Variants in VCAM1 observed in about 807,000 individuals in gnomAD.
The protein encoded by VCAM1 is vascular cell adhesion protein 1.
Under a neutral mutation model 63.8 loss-of-function variants are expected in VCAM1, and 41 were observed. That is an observed-to-expected ratio of 0.64 (90% CI 0.50 to 0.83). VCAM1 has a LOEUF of 0.83. Ranked by LOEUF, VCAM1 falls within the 40% of genes least tolerant of loss-of-function variation. The probability of loss-of-function intolerance (pLI) is 0.00; values close to 1 mark genes in which losing one functional copy is unlikely to be tolerated. For missense variants in VCAM1, 798 were observed against 875.5 expected (o/e 0.91, Z 1.12); for synonymous variants, 338 against 320.7 (o/e 1.05, Z -0.58).
In VCAM1 at chr1:100,731,669, T is replaced by C. The variant is rs976703618; in HGVS notation, c.1525+151T>C. The stretch of plus-strand genomic sequence containing the variant: ...TCAAAATAATGATGATTGTAACAAA[T>C]CACCCTCCCTAAACTTAAAATAGTA... On this transcript the variant is annotated intron_variant, in intron 6 of 8. Transcript: ENST00000294728. This position sits in a 1 kb window ranked among gnomAD's most constrained non-coding sequence, Gnocchi z 4.2. 3.8e-6 allele frequency: 3 copies of C among 794,452 alleles called. No individual in the cohort carries two copies. The African/African-American group carries it at 5.2e-5, about 14-fold the overall frequency. 49.2% of individuals were successfully genotyped at this position (794,452 alleles called of 1,614,324 possible).
rs565914570 is a variant in VCAM1 at position 100,732,895 on chromosome 1, A to C, written c.1792+211A>C. On this transcript the variant is annotated intron_variant, in intron 7 of 8. Transcript: ENST00000294728. ...AAGTTTCTTATCCTGAGATTCTTTT[A>C]AACTCAAGTGAAATGCAAGCCTTCA... 2.0e-5 allele frequency among the ~76,000 whole-genome samples: 3 copies of C among 152,356 alleles called. No homozygotes were observed. In the East Asian group the frequency reaches 5.8e-4, roughly 29 times the overall value.
At chr1:100,738,000 A>C (rs1337112719) in intron 8 of VCAM1, 123 bp from the exon 9 acceptor site, 3 of 1,089,536 alleles carry the variant, frequency 2.8e-6, no homozygotes, top group African/African-American at 1.6e-5. Context: ...GGTCCTTATC[A>C]CTGCTTTGAT....
rs142501320 is a variant in VCAM1, at chr1:100,720,647, C to T, written c.236C>T (p.Thr79Met). The T allele has an allele frequency of 3.6e-5, 58 of 1,613,056 alleles. No homozygotes were observed. The highest frequency in any genetic ancestry group is 4.4e-5 in the Non-Finnish European group (52 of 1,179,520). ...GTGACGAATGAGGGGACCACATCTA[C>T]GCTGACAATGAATCCTGTTAGTTTT... Reference protein sequence around the residue: ...GKVTNEGTTSTLTMNPVSFGN... With the variant: ...GKVTNEGTTSMLTMNPVSFGN... Residue 79 changes from threonine (T) to methionine (M), a missense_variant, in exon 2 of 9, where the codon ACG (threonine) becomes ATG (methionine). Physicochemically the swap from Thr to Met is moderately conservative, Grantham distance 81. Coordinates refer to ENST00000294728, the MANE Select transcript of VCAM1 (RefSeq NM_001078.4).
At position 100,723,491 on chromosome 1, in the gene VCAM1, G is replaced by A. The variant is rs113856158; in HGVS notation, c.661+151G>A. 5.5e-5 allele frequency: 48 copies of A among 866,632 alleles called. 1 individual carries two copies. The highest frequency in any genetic ancestry group is 4.6e-4 in the African/African-American group (27 of 58,610). The allele number at this position is 866,632 out of a possible 1,614,324, so 53.7% of individuals were successfully genotyped here. A position where few individuals can be genotyped will look rare whatever the true frequency, so the allele number is the denominator to read the frequency against. ...ATTCACAACATAATGTTTGTCAATAGTATAATTCAGTGAAAAGAACACTGG... is the reference window on the plus strand; with the variant it reads ...ATTCACAACATAATGTTTGTCAATAATATAATTCAGTGAAAAGAACACTGG... On this transcript the variant is annotated intron_variant, in intron 3 of 8. Transcript: ENST00000294728.
intron 7 of VCAM1, among the ~76,000 whole-genome samples, chr1:100,732,942 G>A (rs1660516519): frequency 6.6e-6 from 1 of 152,164 alleles, no homozygotes; most frequent in African/African-American, 2.4e-5. Flanking sequence ...AGAAGTTCCA[G>A]TTACACTTAT....
intron 4 of VCAM1, among the ~76,000 whole-genome samples, chr1:100,726,328 C>T (rs1289003424): frequency 2.6e-5 from 4 of 152,030 alleles, no homozygotes; most frequent in African/African-American, 4.8e-5. Context: ...CTAATATAAT[C>T]AATCTTATGC....
intron 5 of VCAM1, among the ~76,000 whole-genome samples, chr1:100,729,887 T>A (rs1660372395): frequency 6.6e-6 from 1 of 152,098 alleles, no homozygotes; most frequent in South Asian, 2.1e-4. Context: ...TGTCAGTGGC[T>A]CAGGTGAAAA....
chr1:100,729,043 G>C, intron 4 of VCAM1, 64 bp from the exon 5 acceptor site: 2 of 1,462,026 alleles, frequency 1.4e-6, no homozygotes, highest in Non-Finnish European at 1.8e-6. Context: ...TCATATGTCA[G>C]AATGTGATGA....
intron 5 of VCAM1, among the ~76,000 whole-genome samples, chr1:100,730,790 C>T (rs1660424960): frequency 2.0e-5 from 3 of 152,024 alleles, no homozygotes; most frequent in Admixed American, 2.0e-4. Context: ...GCTTTGAAGA[C>T]TGAGATAATG....
chr1:100,724,437 C>A (rs749848956), intron 3 of VCAM1, among the ~76,000 whole-genome samples, 187 bp from the exon 4 acceptor site: 1 of 152,024 alleles, frequency 6.6e-6, no homozygotes, highest in African/African-American at 2.4e-5. Context: ...GAAACATCAA[C>A]TAAACTTGAT....
Position 100,731,335 on chromosome 1 carries a change from G to A in VCAM1, c.1342G>A (p.Glu448Lys), listed in dbSNP as rs2100831821. Residue 448 changes from glutamate (E) to lysine (K), a missense_variant, in exon 6 of 9, where the codon GAG becomes AAG. Coordinates refer to ENST00000294728, the MANE Select transcript of VCAM1 (RefSeq NM_001078.4). This position sits in a 1 kb window ranked among gnomAD's most constrained non-coding sequence, Gnocchi z 4.2. ...IELLKGETIL[E>K]NIEFLEDTDM... is the part of the protein sequence containing the mutation. The stretch of plus-strand genomic sequence containing the variant: ...ATTACTTAAGGGGGAGACTATTCTG[G>A]AGAATATAGAGTTTTTGGAGGATAC... The A allele has an allele frequency of 6.2e-7, 1 of 1,613,838 alleles. No individual in the cohort carries two copies. Among genetic ancestry groups the A allele is most frequent in the Non-Finnish European group, 8.5e-7 (1 of 1,179,866 alleles).
chr1:100,732,744 A>G, intron 7 of VCAM1, 60 bp downstream of exon 7: 1 of 1,480,942 alleles, frequency 6.8e-7, no homozygotes, highest in Non-Finnish European at 8.9e-7. Context: ...TATGTTACTG[A>G]TTATGAGTAA....
In VCAM1 at chr1:100,729,104, C is replaced by A; in HGVS notation, c.929-3C>A. The A allele has an allele frequency of 1.3e-6, 2 of 1,518,172 alleles. No individual in the cohort carries two copies. Among genetic ancestry groups the A allele is most frequent in the South Asian group, 1.3e-5 (1 of 74,554 alleles). 94.0% of individuals were successfully genotyped at this position (1,518,172 alleles called of 1,614,324 possible). ...TTCATCTTGTTTTCCACCTGTGTCC[C>A]AGAGAAACCATTTACTGTTGAGATC... is the stretch of plus-strand genomic sequence containing the variant. On this transcript the variant is annotated splice_region_variant and splice_polypyrimidine_tract_variant and intron_variant, in intron 4 of 8. Transcript: ENST00000294728.
At position 100,731,633 on chromosome 1, in the gene VCAM1, G is replaced by GA; in HGVS notation, c.1525+119dup. On this transcript the variant is annotated intron_variant, in intron 6 of 8. Transcript: ENST00000294728. This position sits in a 1 kb window ranked among gnomAD's most constrained non-coding sequence, Gnocchi z 4.2. ...ACCTCTGTGGAGAAAAAACGTTACT[G>GA]AAAAGAAATTTCAAAATAATGATGA... 1 of 978,534 alleles carries GA rather than the reference G, an allele frequency of 1.0e-6. No homozygotes were observed. Among genetic ancestry groups the GA allele is most frequent in the Non-Finnish European group, 1.5e-6 (1 of 676,812 alleles). 60.6% of individuals were successfully genotyped at this position (978,534 alleles called of 1,614,324 possible).
chr1:100,721,694 CTG>C (rs1255471818), intron 2 of VCAM1, among the ~76,000 whole-genome samples: 1 of 152,058 alleles, frequency 6.6e-6, no homozygotes. Flanking sequence ...TCCCAAGAAA[CTG>C]TGCTTGGCCG....
intron 1 of VCAM1, 104 bp downstream of exon 1, chr1:100,720,028 T>A: frequency 8.1e-7 from 1 of 1,232,344 alleles, no homozygotes; most frequent in Non-Finnish European, 1.1e-6. Context: ...GACACTAGGA[T>A]TTTAAACAGT....
At chr1:100,723,419 G>GA in intron 3 of VCAM1, 79 bp downstream of exon 3, 1 of 1,244,302 alleles carries the variant, frequency 8.0e-7, no homozygotes, top group Non-Finnish European at 1.1e-6. Flanking sequence ...TAGCAGAAAA[G>GA]TAAAAAAAAA....
Position 100,729,151 on chromosome 1 carries a change from G to T in VCAM1, c.973G>T (p.Ala325Ser). Reference sequence around the variant, plus strand: ...GATCTCCCCTGGACCCCGGATTGCTGCTCAGATTGGAGACTCAGTCATGTT... The same window carrying T: ...GATCTCCCCTGGACCCCGGATTGCTTCTCAGATTGGAGACTCAGTCATGTT... ...VEISPGPRIA[A>S]QIGDSVMLTC... Residue 325 changes from alanine (A) to serine (S), a missense_variant, in exon 5 of 9, where the codon GCT becomes TCT. Ala to Ser is a moderately conservative substitution (Grantham distance 99). Transcript: ENST00000294728. The T allele has an allele frequency of 6.2e-7, 1 of 1,610,506 alleles. No homozygotes were observed. Among genetic ancestry groups the T allele is most frequent in the Non-Finnish European group, 8.5e-7 (1 of 1,177,714 alleles).
rs1181312195 is a variant in VCAM1 at position 100,724,674 on chromosome 1, G to A, written c.712G>A (p.Glu238Lys). The A allele has an allele frequency of 6.2e-7, 1 of 1,613,052 alleles. No individual in the cohort carries two copies. Among genetic ancestry groups the A allele is most frequent in the Non-Finnish European group, 8.5e-7 (1 of 1,179,400 alleles). ...ISVNPSTKLQ[E>K]GGSVTMTCSS... ...TGTGAATCCATCCACAAAGCTGCAA[G>A]AAGGTGGCTCTGTGACCATGACCTG... Residue 238 changes from glutamate to lysine, a missense_variant, in exon 4 of 9, where the codon GAA becomes AAA. Coordinates refer to ENST00000294728, the MANE Select transcript of VCAM1 (RefSeq NM_001078.4).
Sources: gnomAD v4.1 joint callset for allele counts (sites outside exome capture counted in the v4.1 genomes callset) on GRCh38, gnomAD v4.1.1 for gene constraint, Gnocchi (gnomAD v3.1) non-coding constraint, MANE v1.5 for transcripts, NCBI Gene and HGNC (gene_info 2026-07-23, HGNC 2026-07-21) for gene names.